The following STPG2 variants were observed in gnomAD, a reference collection of about 807,000 sequenced individuals.
The protein encoded by STPG2 is sperm-tail PG-rich repeat-containing protein 2.
A neutral mutation model predicts 54.2 loss-of-function variants in STPG2; 56 were observed. The ratio of observed to expected loss-of-function variants is 1.03; its 90% CI spans 0.83 to 1.29. The LOEUF (loss-of-function observed/expected upper bound fraction) is 1.29. Ranked by LOEUF, STPG2 falls within the 50% of genes most tolerant of loss-of-function variation. The pLI, the probability that STPG2 is intolerant of heterozygous loss-of-function variation, is 0.00. For synonymous variants in STPG2, 200 were observed against 181.8 expected (o/e 1.10, Z -0.81); for missense variants, 596 against 544.9 (o/e 1.09, Z -0.93).
At chr4:97,960,273 C>T (rs771982010) in intron 7 of STPG2, among the ~76,000 whole-genome samples, 2 of 152,066 alleles carry the variant, frequency 1.3e-5, no homozygotes, top group Non-Finnish European at 2.9e-5. Flanking sequence ...AGCATTCCCC[C>T]TCTGAGAACT....
chr4:97,924,524 T>C (rs1413605607), intron 8 of STPG2, among the ~76,000 whole-genome samples: 2 of 152,338 alleles, frequency 1.3e-5, no homozygotes, highest in South Asian at 2.1e-4. Context: ...CAGTGACTCA[T>C]ATTTCTACAT....
chr4:97,664,118 A>G (rs1018018413), intron 10 of STPG2, among the ~76,000 whole-genome samples: 1 of 152,190 alleles, frequency 6.6e-6, no homozygotes, highest in Non-Finnish European at 1.5e-5. Flanking sequence ...CTTATTAAGC[A>G]TTACTATATA....
chr4:97,929,490 C>T (rs946477972), intron 8 of STPG2, among the ~76,000 whole-genome samples: 1 of 152,184 alleles, frequency 6.6e-6, no homozygotes, highest in Non-Finnish European at 1.5e-5. Flanking sequence ...TACACTCCCA[C>T]CAACACTCTA....
At chr4:97,848,364 G>C (rs999248700) in intron 8 of STPG2, among the ~76,000 whole-genome samples, 2 of 152,118 alleles carry the variant, frequency 1.3e-5, no homozygotes, top group Non-Finnish European at 2.9e-5. Flanking sequence ...AGATAAAGCT[G>C]TCCGATGAGA....
chr4:97,658,068 T>C, intron 10 of STPG2, among the ~76,000 whole-genome samples: 1 of 152,228 alleles, frequency 6.6e-6, no homozygotes, highest in East Asian at 1.9e-4. Flanking sequence ...TCTATGATGA[T>C]GGATTTTTCT....
chr4:98,034,883 C>A (rs1448203526), intron 5 of STPG2, among the ~76,000 whole-genome samples: 1 of 152,162 alleles, frequency 6.6e-6, no homozygotes, highest in East Asian at 1.9e-4. Context: ...GTTGAGAAAA[C>A]TGGCTAGCCA....
intron 5 of STPG2, among the ~76,000 whole-genome samples, chr4:98,074,578 T>C (rs1738102075): frequency 6.6e-6 from 1 of 152,202 alleles, no homozygotes; most frequent in African/African-American, 2.4e-5. Context: ...CCAATGTCTC[T>C]TGCAGTCATT....
chr4:98,078,548 T>A (rs17550217), intron 5 of STPG2, among the ~76,000 whole-genome samples: 41,620 of 149,948 alleles, frequency 0.28, 5,993 homozygotes, highest in Middle Eastern at 0.35. Flanking sequence ...TGAACGTTAA[T>A]GAACAAAGCC....
At chr4:97,612,859 G>C (rs759754544) in intron 10 of STPG2, among the ~76,000 whole-genome samples, 1 of 151,972 alleles carries the variant, frequency 6.6e-6, no homozygotes, top group Non-Finnish European at 1.5e-5. Context: ...ATGATGTCAT[G>C]AGCCTTAGGA....
chr4:97,528,739 G>A (rs1731345817), intron 4 of STPG2, among the ~76,000 whole-genome samples: 1 of 151,972 alleles, frequency 6.6e-6, no homozygotes, highest in Non-Finnish European at 1.5e-5. Context: ...GTATTCCTAG[G>A]TATTTTATTC....
chr4:98,143,092 T>G lies in STPG2; in HGVS notation c.59A>C (p.His20Pro). ...TACCTGGTAGGATCCAGGACCCACA[T>G]GGGCCTCAGTGCTGCCACCTTCAGC... ...KLAEGGSTEA[H>P]VGPGSYQVPF... is the part of the protein sequence containing the mutation. The change falls in exon 1 of 11, where the codon CAT (histidine) becomes CCT (proline). Residue 20 changes from histidine (H) to proline (P), a missense_variant. Coordinates refer to ENST00000295268, the MANE Select transcript of STPG2 (RefSeq NM_174952.3). 6.2e-7 allele frequency: 1 copy of G among 1,613,958 alleles called. No homozygotes were observed. The highest frequency in any genetic ancestry group is 8.5e-7 in the Non-Finnish European group (1 of 1,179,944).
chr4:97,782,591 T>C (rs1464688449), intron 9 of STPG2, among the ~76,000 whole-genome samples: 2 of 152,178 alleles, frequency 1.3e-5, no homozygotes, highest in African/African-American at 4.8e-5. Context: ...TTAAAGTTCA[T>C]GTGAAACGAA....
At chr4:97,667,786 A>C (rs1438631443) in intron 10 of STPG2, among the ~76,000 whole-genome samples, 18 of 152,176 alleles carry the variant, frequency 1.2e-4, no homozygotes, top group Non-Finnish European at 2.9e-5. Context: ...ACATTTTGCC[A>C]TTCTCTCATT....
At chr4:97,974,126 C>T (rs564413537) in intron 6 of STPG2, among the ~76,000 whole-genome samples, 32 of 152,188 alleles carry the variant, frequency 2.1e-4, no homozygotes, top group Non-Finnish European at 3.8e-4. Flanking sequence ...ATCAGCATGA[C>T]CTGGATGTGA....
At chr4:98,001,392 G>C (rs542296111) in intron 5 of STPG2, among the ~76,000 whole-genome samples, 106 of 151,672 alleles carry the variant, frequency 7.0e-4, no homozygotes, top group African/African-American at 2.4e-3. Flanking sequence ...TAAATGTTCG[G>C]AGTTCATTAA....
At chr4:97,920,785 T>G (rs758690065) in intron 8 of STPG2, among the ~76,000 whole-genome samples, 1 of 152,206 alleles carries the variant, frequency 6.6e-6, no homozygotes, top group African/African-American at 2.4e-5. Flanking sequence ...ATAAGGACTG[T>G]GGCAACTATG....
chr4:98,084,199 C>T (rs571484473), intron 5 of STPG2, among the ~76,000 whole-genome samples: 103 of 152,212 alleles, frequency 6.8e-4, no homozygotes, highest in African/African-American at 2.2e-3. Context: ...TGAAATCATA[C>T]AGTATTTTTA....
chr4:97,625,613 G>A (rs911256430), intron 10 of STPG2, among the ~76,000 whole-genome samples: 1 of 152,036 alleles, frequency 6.6e-6, no homozygotes, highest in Admixed American at 6.6e-5. Flanking sequence ...ATGCTTGGCC[G>A]CCTCTTCCTT....
intron 9 of STPG2, among the ~76,000 whole-genome samples, chr4:97,722,796 A>G (rs1578507519): frequency 8.1e-6 from 1 of 123,616 alleles, no homozygotes; most frequent in Non-Finnish European, 1.6e-5. Context: ...AGTCTCTGCC[A>G]ATTTTTTTTT....
Sources: allele counts gnomAD v4.1 joint callset (sites outside exome capture counted in the v4.1 genomes callset), GRCh38; gene constraint gnomAD v4.1.1; transcripts MANE v1.5; gene names NCBI Gene and HGNC (gene_info 2026-07-23, HGNC 2026-07-21).